Variants in HECW1 observed in about 807,000 individuals in gnomAD.
HECW1 encodes the protein E3 ubiquitin-protein ligase HECW1.
In HECW1, 61 loss-of-function variants were observed where a neutral mutation model predicts 182.3. The ratio of observed to expected loss-of-function variants is 0.33; its 90% confidence interval spans 0.27 to 0.41. HECW1 has a LOEUF of 0.41. Among genes scored for constraint, HECW1 ranks in the 10% least tolerant of loss-of-function variants. The pLI is 1.00. For missense variants in HECW1, 1,739 were observed against 2,108.9 expected, an observed-to-expected ratio of 0.82 and a Z score of 3.44; for synonymous variants, 859 against 832.6, an observed-to-expected ratio of 1.03 and a Z score of -0.55.
rs561030245 is a variant in HECW1 at position 43,206,936 on chromosome 7, T to C, written c.-31-36939T>C. 4.1e-4 allele frequency among the ~76,000 whole-genome samples: 63 copies of C among 152,376 alleles called. 1 individual carries two copies. Among genetic ancestry groups the C allele is most frequent in the African/African-American group, 1.5e-3 (61 of 41,590 alleles). ...ACTTGCTAAATATATAATTCTAGGA[T>C]AGCCGTTGTATTTTCACTTGGCATT... On this transcript the variant is annotated intron_variant, in intron 2 of 29. Coordinates refer to ENST00000395891, the MANE Select transcript of HECW1 (RefSeq NM_015052.5).
intron 21 of HECW1, 81 bp downstream of exon 21, chr7:43,501,403 A>G (rs1239606845): frequency 1.3e-6 from 1 of 773,856 alleles, no homozygotes; most frequent in African/African-American, 1.7e-5. Context: ...AGGCAACTGT[A>G]TGTGTGTGTT....
intron 8 of HECW1, among the ~76,000 whole-genome samples, chr7:43,409,495 A>G (rs1306107881): frequency 6.6e-6 from 1 of 152,212 alleles, no homozygotes; most frequent in Non-Finnish European, 1.5e-5. Context: ...AAAATCCAGC[A>G]CTATCAGAAT....
intron 2 of HECW1, among the ~76,000 whole-genome samples, chr7:43,171,461 GC>G (rs1791680684): frequency 6.6e-6 from 1 of 152,270 alleles, no homozygotes; most frequent in South Asian, 2.1e-4. Flanking sequence ...CTTTTGGTCA[GC>G]CACTGCGTGC....
intron 6 of HECW1, among the ~76,000 whole-genome samples, chr7:43,390,345 C>A (rs181167153): frequency 3.7e-4 from 57 of 152,024 alleles, no homozygotes; most frequent in Middle Eastern, 3.4e-3. Context: ...TCCAGACCAG[C>A]CTGGGCAACA....
At chr7:43,487,111 T>C (rs1307034539) in intron 17 of HECW1, among the ~76,000 whole-genome samples, 1 of 152,232 alleles carries the variant, frequency 6.6e-6, no homozygotes, top group African/African-American at 2.4e-5. Flanking sequence ...TGTAAATTCG[T>C]CCTTTGAGCC....
chr7:43,467,540 TGGGCTGCCTGACCAGAG>T (rs890249551), intron 15 of HECW1, among the ~76,000 whole-genome samples: 1 of 151,970 alleles, frequency 6.6e-6, no homozygotes, highest in Non-Finnish European at 1.5e-5. Context: ...GAGTAGCACT[TGGGCTGCCTGACCAGAG>T]GGGTTGATGA....
chr7:43,527,937 A>C (rs2080823855), intron 24 of HECW1, among the ~76,000 whole-genome samples: 1 of 152,236 alleles, frequency 6.6e-6, no homozygotes, highest in Admixed American at 6.5e-5. Flanking sequence ...GTCAACCTGG[A>C]GAACTAATGA....
intron 2 of HECW1, among the ~76,000 whole-genome samples, chr7:43,197,904 C>T (rs1794617679): frequency 6.6e-6 from 1 of 152,068 alleles, no homozygotes; most frequent in Admixed American, 6.6e-5. Flanking sequence ...GCCCCTGGAG[C>T]TGGCACTGGG....
At chr7:43,369,301 A>T (rs1239289305) in intron 6 of HECW1, among the ~76,000 whole-genome samples, 1 of 152,102 alleles carries the variant, frequency 6.6e-6, no homozygotes, top group Non-Finnish European at 1.5e-5. Context: ...TCTACTAAAA[A>T]TACAAAATTT....
At chr7:43,120,265 C>T (rs933556455) in intron 2 of HECW1, among the ~76,000 whole-genome samples, 6 of 152,124 alleles carry the variant, frequency 3.9e-5, no homozygotes, top group Non-Finnish European at 2.9e-5. Flanking sequence ...AGGGACGGTC[C>T]CCCAGCCACC....
chr7:43,270,482 G>A (rs1043898302), intron 3 of HECW1, among the ~76,000 whole-genome samples: 1 of 152,216 alleles, frequency 6.6e-6, no homozygotes, highest in Admixed American at 6.5e-5. Context: ...AGGAGACTGA[G>A]GTAGAAGCTG....
At chr7:43,525,836 C>G (rs922898254) in intron 24 of HECW1, among the ~76,000 whole-genome samples, 2 of 151,996 alleles carry the variant, frequency 1.3e-5, no homozygotes, top group African/African-American at 2.4e-5. Flanking sequence ...AGCCTTGGGA[C>G]CTTTAGGGGT....
intron 12 of HECW1, among the ~76,000 whole-genome samples, chr7:43,451,328 C>T (rs967944329): frequency 1.3e-5 from 2 of 152,210 alleles, no homozygotes; most frequent in African/African-American, 4.8e-5. Context: ...ACGTCACAAG[C>T]ATCTCCATAT....
At chr7:43,253,534 T>C (rs765262460) in intron 3 of HECW1, among the ~76,000 whole-genome samples, 1 of 152,242 alleles carries the variant, frequency 6.6e-6, no homozygotes, top group South Asian at 2.1e-4. Flanking sequence ...TGCTGATAGC[T>C]CTGTTCTAAG....
At chr7:43,198,901 CTCA>C (rs1794779998) in intron 2 of HECW1, among the ~76,000 whole-genome samples, 1 of 152,352 alleles carries the variant, frequency 6.6e-6, no homozygotes, top group African/African-American at 2.4e-5. Flanking sequence ...CTCCAGCGTT[CTCA>C]TCATCAAGAG....
At chr7:43,329,386 G>A (rs1455135441) in intron 5 of HECW1, among the ~76,000 whole-genome samples, 3 of 152,036 alleles carry the variant, frequency 2.0e-5, no homozygotes, top group African/African-American at 4.8e-5. Flanking sequence ...GAAGTGTGGC[G>A]AGAAGACTGT....
In HECW1 at chr7:43,507,011, G is replaced by A. The variant is rs560595325; in HGVS notation, c.3632-126G>A. ...CTTGAACCCAGGAGGTGGAAGTTGC[G>A]GTAAGCCGAGAGCACACCACTGCAC... On this transcript the variant is annotated intron_variant, in intron 21 of 29. Coordinates refer to ENST00000395891, the MANE Select transcript of HECW1 (RefSeq NM_015052.5). 1.6e-4 allele frequency: 185 copies of A among 1,154,684 alleles called. No homozygotes were observed. In the African/African-American group the frequency reaches 2.0e-3, roughly 13 times the overall value. 71.5% of individuals were successfully genotyped at this position (1,154,684 alleles called of 1,614,324 possible). A position where few individuals can be genotyped will look rare whatever the true frequency, so the allele number is the denominator to read the frequency against.
At chr7:43,115,874 G>T (rs1298496204) in intron 2 of HECW1, among the ~76,000 whole-genome samples, 17 of 152,172 alleles carry the variant, frequency 1.1e-4, no homozygotes, top group African/African-American at 4.1e-4. Context: ...GCAGTTATCT[G>T]AGTTGTAAAT....
intron 24 of HECW1, among the ~76,000 whole-genome samples, chr7:43,522,761 C>T (rs554635278): frequency 2.0e-5 from 3 of 152,174 alleles, no homozygotes; most frequent in Non-Finnish European, 2.9e-5. Context: ...GTGGCCAAAC[C>T]CTGAACTCAG....
Sources: allele counts gnomAD v4.1 joint callset (sites outside exome capture counted in the v4.1 genomes callset), GRCh38; gene constraint gnomAD v4.1.1; transcripts MANE v1.5; gene names NCBI Gene and HGNC (gene_info 2026-07-23, HGNC 2026-07-21).